GALNTL6: variants seen among roughly 807,000 people sequenced by gnomAD.
The protein encoded by GALNTL6 is polypeptide N-acetylgalactosaminyltransferase-like 6.
GALNTL6 carries 46 observed loss-of-function variants against 73.7 expected under a neutral mutation model. The observed-to-expected ratio is 0.62, with a 90% CI of 0.49 to 0.80. GALNTL6 has a LOEUF of 0.80. Among genes scored for constraint, GALNTL6 ranks in the 30% least tolerant of loss-of-function variants. GALNTL6 has a pLI of 0.00. For synonymous variants in GALNTL6, 259 were observed against 263.7 expected (o/e 0.98, Z 0.17); for missense variants, 604 against 755.0 (o/e 0.80, Z 2.34).
At chr4:172,641,189 A>T (rs1314588229) in intron 5 of GALNTL6, among the ~76,000 whole-genome samples, 1 of 152,138 alleles carries the variant, frequency 6.6e-6, no homozygotes, top group African/African-American at 2.4e-5. Flanking sequence ...TTTCTGCAAT[A>T]GTTTCCCAGG....
At chr4:172,297,713 C>G (rs1321927741) in intron 3 of GALNTL6, among the ~76,000 whole-genome samples, 2 of 152,072 alleles carry the variant, frequency 1.3e-5, no homozygotes, top group Non-Finnish European at 2.9e-5. Flanking sequence ...TGATCTATAT[C>G]TCTGTTTTGG....
intron 2 of GALNTL6, among the ~76,000 whole-genome samples, chr4:172,129,712 G>A (rs552093173): frequency 1.1e-4 from 16 of 152,266 alleles, no homozygotes; most frequent in African/African-American, 3.6e-4. Context: ...GCCTCACAGA[G>A]AGAATGTAGA....
chr4:171,998,895 G>A (rs982932107), intron 2 of GALNTL6, among the ~76,000 whole-genome samples: 2 of 152,236 alleles, frequency 1.3e-5, no homozygotes, highest in Admixed American at 1.3e-4. Flanking sequence ...TAGTGATTCT[G>A]TCAGGTCCAC....
At chr4:172,986,801 G>A (rs1297866754) in intron 10 of GALNTL6, among the ~76,000 whole-genome samples, 1 of 152,178 alleles carries the variant, frequency 6.6e-6, no homozygotes, top group African/African-American at 2.4e-5. Flanking sequence ...TTACAGAGGA[G>A]GAAGGCTGTG....
chr4:172,606,549 G>GTA (rs563209201), intron 5 of GALNTL6, among the ~76,000 whole-genome samples: 6,731 of 116,360 alleles, frequency 0.058, 379 homozygotes, highest in South Asian at 0.16. Context: ...AGAAGGAAGT[G>GTA]TATATATATA....
chr4:172,373,706 C>T (rs1288760649), intron 5 of GALNTL6, among the ~76,000 whole-genome samples: 1 of 152,068 alleles, frequency 6.6e-6, no homozygotes, highest in Non-Finnish European at 1.5e-5. Context: ...AATAGCTCCA[C>T]CTAATATATC....
intron 5 of GALNTL6, among the ~76,000 whole-genome samples, chr4:172,733,295 A>C (rs1482101406): frequency 6.6e-6 from 1 of 152,158 alleles, no homozygotes; most frequent in Non-Finnish European, 1.5e-5. Context: ...CTGTTGCCAA[A>C]CTAATTGTAG....
chr4:171,907,721 A>G (rs563501587), intron 2 of GALNTL6, among the ~76,000 whole-genome samples: 9 of 151,422 alleles, frequency 5.9e-5, no homozygotes, highest in Admixed American at 1.3e-4. Flanking sequence ...AGCCAGAGGC[A>G]TCACACTACC....
At chr4:172,978,236 T>C (rs547391210) in intron 10 of GALNTL6, among the ~76,000 whole-genome samples, 1 of 152,302 alleles carries the variant, frequency 6.6e-6, no homozygotes, top group Admixed American at 6.5e-5. Flanking sequence ...TGAATGACTT[T>C]GACTATGATG....
At chr4:172,381,283 A>T (rs1280206737) in intron 5 of GALNTL6, among the ~76,000 whole-genome samples, 1 of 152,334 alleles carries the variant, frequency 6.6e-6, no homozygotes, top group African/African-American at 2.4e-5. Flanking sequence ...TAATTCACCT[A>T]GCATGAAATT....
chr4:172,922,049 T>A (rs1747821798), intron 8 of GALNTL6, among the ~76,000 whole-genome samples: 1 of 152,136 alleles, frequency 6.6e-6, no homozygotes, highest in South Asian at 2.1e-4. Context: ...TCATGGGGGC[T>A]GGTCTTTCCC....
In GALNTL6 at chr4:172,178,227, C is replaced by T. The variant is rs769332411; in HGVS notation, c.139-51429C>T. Among the ~76,000 whole-genome samples, 7 of 152,138 alleles carry T rather than the reference C, an allele frequency of 4.6e-5. 1 individual carries two copies. The highest frequency in any genetic ancestry group is 1.3e-4 in the Admixed American group (2 of 15,270). ...TTAGAGATAATAACTGTTTGAACAG[C>T]GCCTGACAAATATATCATAAGCATT... On this transcript the variant is annotated intron_variant, in intron 2 of 12. Coordinates refer to ENST00000506823, the MANE Select transcript of GALNTL6 (RefSeq NM_001034845.3).
At chr4:172,891,121 C>CT (rs34153108) in intron 8 of GALNTL6, among the ~76,000 whole-genome samples, 41,315 of 141,984 alleles carry the variant, frequency 0.29, 7,385 homozygotes, top group African/African-American at 0.53. Context: ...AAGGTTGGGC[C>CT]TTTTTTTTTT....
intron 7 of GALNTL6, among the ~76,000 whole-genome samples, chr4:172,825,939 T>C (rs187013467): frequency 1.2e-4 from 19 of 152,324 alleles, no homozygotes; most frequent in Admixed American, 5.9e-4. Flanking sequence ...TCCAAGAATT[T>C]ACATTTTAAC....
At chr4:172,277,317 G>C (rs1046522335) in intron 3 of GALNTL6, among the ~76,000 whole-genome samples, 9 of 151,994 alleles carry the variant, frequency 5.9e-5, no homozygotes, top group Admixed American at 2.0e-4. Context: ...CTGCCTGCAG[G>C]ATCCCATTTA....
rs1422092474 is a variant in GALNTL6, at chr4:172,069,546, C to A, written c.139-160110C>A. On this transcript the variant is annotated intron_variant, in intron 2 of 12. Transcript: ENST00000506823. ...TGTATAACACATATATTATATATAA[C>A]ACATATATGTTATATATAACACATA... Among the ~76,000 whole-genome samples, 16 of 43,744 alleles carry A rather than the reference C, an allele frequency of 3.7e-4. 6 individuals are homozygous for A. In the Admixed American group the frequency reaches 3.8e-3, roughly 10 times the overall value. 28.7% of individuals were successfully genotyped at this position (43,744 alleles called of 152,430 possible).
intron 5 of GALNTL6, among the ~76,000 whole-genome samples, chr4:172,737,849 C>T (rs1312744896): frequency 1.3e-5 from 2 of 152,190 alleles, no homozygotes; most frequent in African/African-American, 2.4e-5. Context: ...CATCTCAGCT[C>T]TAGTAAACTG....
chr4:171,945,195 T>C (rs1738666876), intron 2 of GALNTL6, among the ~76,000 whole-genome samples: 1 of 152,084 alleles, frequency 6.6e-6, no homozygotes, highest in Admixed American at 6.6e-5. Context: ...AGCATGTTGA[T>C]ATTTAGATTC....
At chr4:172,703,794 T>C (rs1257384945) in intron 5 of GALNTL6, among the ~76,000 whole-genome samples, 1 of 152,008 alleles carries the variant, frequency 6.6e-6, no homozygotes, top group Non-Finnish European at 1.5e-5. Context: ...AACAGTGTGG[T>C]AGAATTCAGC....
Sources: gnomAD v4.1 joint callset for allele counts (sites outside exome capture counted in the v4.1 genomes callset) on GRCh38, gnomAD v4.1.1 for gene constraint, MANE v1.5 for transcripts, NCBI Gene and HGNC (gene_info 2026-07-23, HGNC 2026-07-21) for gene names.